The following PCED1B variants were observed in gnomAD, a reference collection of about 807,000 sequenced individuals.
PCED1B encodes PC-esterase domain containing 1B.
For missense variants in PCED1B, 573 were observed against 573.9 expected (o/e 1.00, Z 0.02); for synonymous variants, 251 against 246.1 (o/e 1.02, Z -0.19).
intron 3 of PCED1B, among the ~76,000 whole-genome samples, chr12:47,225,304 T>G (rs1368530016): frequency 6.6e-6 from 1 of 152,202 alleles, no homozygotes; most frequent in Non-Finnish European, 1.5e-5. Flanking sequence ...TTTTTTTATT[T>G]GATCCTAAAG....
chr12:47,218,085 G>A (rs995098515), intron 3 of PCED1B, among the ~76,000 whole-genome samples: 1 of 152,212 alleles, frequency 6.6e-6, no homozygotes, highest in African/African-American at 2.4e-5. Flanking sequence ...CATCTGTAGA[G>A]TTTACACAGC....
chr12:47,089,144 T>G (rs538441044), intron 1 of PCED1B, among the ~76,000 whole-genome samples: 5 of 151,960 alleles, frequency 3.3e-5, no homozygotes, highest in African/African-American at 1.2e-4. Context: ...GAGAGGGACT[T>G]AAAATATAAA....
At chr12:47,186,422 T>A (rs771333390) in intron 2 of PCED1B, among the ~76,000 whole-genome samples, 7 of 152,108 alleles carry the variant, frequency 4.6e-5, no homozygotes, top group Non-Finnish European at 8.8e-5. Flanking sequence ...GGATGACATC[T>A]TGTCTCCAGT....
At chr12:47,081,554 C>T (rs1237290522) in intron 1 of PCED1B, among the ~76,000 whole-genome samples, 1 of 152,096 alleles carries the variant, frequency 6.6e-6, no homozygotes, top group African/African-American at 2.4e-5. Flanking sequence ...TAAAATGCTT[C>T]ATGCAAGCAT....
chr12:47,167,249 A>G (rs1941573146), intron 2 of PCED1B, among the ~76,000 whole-genome samples: 1 of 152,084 alleles, frequency 6.6e-6, no homozygotes, highest in Admixed American at 6.6e-5. Flanking sequence ...AAAATATTCA[A>G]CGTAACAAAA....
intron 2 of PCED1B, among the ~76,000 whole-genome samples, chr12:47,177,385 G>A (rs1941956394): frequency 6.6e-6 from 1 of 152,114 alleles, no homozygotes; most frequent in Admixed American, 6.5e-5. Flanking sequence ...GAGCATTTTG[G>A]CTGACTGACT....
At chr12:47,222,161 T>C (rs1943500850) in intron 3 of PCED1B, among the ~76,000 whole-genome samples, 1 of 146,704 alleles carries the variant, frequency 6.8e-6, no homozygotes, top group Non-Finnish European at 1.5e-5. Context: ...GGCTCACGCC[T>C]GTAATCCCAG....
Position 47,188,317 on chromosome 12 carries a change from G to A in PCED1B, c.-525-27905G>A, listed in dbSNP as rs1217969091. 2.6e-5 allele frequency among the ~76,000 whole-genome samples: 4 copies of A among 152,104 alleles called. No homozygotes were observed. The East Asian group carries it at 7.7e-4, about 29-fold the overall frequency. On this transcript the variant is annotated intron_variant, in intron 2 of 3. Transcript: ENST00000546455. ...AAATTCCTCAGCTGGAACTCATAGG[G>A]ATCAATGATGTCCCACACAAAAGCC...
intron 2 of PCED1B, among the ~76,000 whole-genome samples, chr12:47,160,781 C>T (rs972197415): frequency 2.0e-5 from 3 of 152,100 alleles, no homozygotes; most frequent in African/African-American, 7.2e-5. Context: ...CCTTAATTCC[C>T]TTTGTGGCAA....
intron 3 of PCED1B, among the ~76,000 whole-genome samples, chr12:47,226,518 C>T (rs1013599110): frequency 3.3e-5 from 5 of 152,162 alleles, no homozygotes; most frequent in South Asian, 2.1e-4. Context: ...GGATTACAGG[C>T]GCATGCCACC....
rs1940512113 is a variant in PCED1B, at chr12:47,139,566, TGGAAATAAGGTCAGGAAGGCAG to T, written c.-526+35372_-526+35393del. ...GTACAGTGAAAAGGGGAGAGAGAGT[TGGAAATAAGGTCAGGAAGGCAG>T]CCAGTGGCCAGATCATGTGGGATGT... On this transcript the variant is annotated intron_variant, in intron 2 of 3. Coordinates refer to ENST00000546455, the MANE Select transcript of PCED1B (RefSeq NM_138371.3). 1.3e-5 allele frequency among the ~76,000 whole-genome samples: 2 copies of T among 151,700 alleles called. 1 individual carries two copies. The highest frequency in any genetic ancestry group is 4.2e-4 in the South Asian group (2 of 4,802).
At chr12:47,135,783 G>A (rs951558198) in intron 2 of PCED1B, 2 of 519,948 alleles carry the variant, frequency 3.8e-6, no homozygotes, top group African/African-American at 3.9e-5. Context: ...GAACGCTGGA[G>A]GCACAGGGTT....
chr12:47,236,103 C>T lies in PCED1B; in HGVS notation c.1040C>T (p.Thr347Ile). Reference sequence around the variant, plus strand: ...GATGCCTGTTTTTCCTCAGACCATACTTTCCAGTCGGATCAATTCTATTGC... The same window carrying T: ...GATGCCTGTTTTTCCTCAGACCATATTTTCCAGTCGGATCAATTCTATTGC... ...PPDACFSSDHTFQSDQFYCHS... is the reference protein window; with the variant it reads ...PPDACFSSDHIFQSDQFYCHS... Residue 347 changes from threonine (T) to isoleucine (I), a missense_variant, in exon 4 of 4, where the codon ACT becomes ATT. Thr to Ile is a moderately conservative substitution (Grantham distance 89). Coordinates refer to ENST00000546455, the MANE Select transcript of PCED1B (RefSeq NM_138371.3). 6.2e-7 allele frequency: 1 copy of T among 1,614,162 alleles called. No individual in the cohort carries two copies. Among genetic ancestry groups the T allele is most frequent in the Non-Finnish European group, 8.5e-7 (1 of 1,180,042 alleles).
intron 2 of PCED1B, among the ~76,000 whole-genome samples, chr12:47,167,447 A>G (rs1191083094): frequency 6.6e-6 from 1 of 152,098 alleles, no homozygotes; most frequent in Non-Finnish European, 1.5e-5. Context: ...CTCAAAGCCA[A>G]CTGTGTCACC....
intron 1 of PCED1B, among the ~76,000 whole-genome samples, chr12:47,081,559 A>G (rs1378429860): frequency 6.6e-6 from 1 of 152,020 alleles, no homozygotes; most frequent in Non-Finnish European, 1.5e-5. Flanking sequence ...TGCTTCATGC[A>G]AGCATTTCTT....
chr12:47,199,054 A>G (rs1018020638), intron 2 of PCED1B, among the ~76,000 whole-genome samples: 4 of 152,218 alleles, frequency 2.6e-5, no homozygotes, highest in Non-Finnish European at 5.9e-5. Flanking sequence ...TATTATAGTA[A>G]GTAATTATAG....
At chr12:47,203,482 G>C (rs1942828747) in intron 2 of PCED1B, among the ~76,000 whole-genome samples, 1 of 151,900 alleles carries the variant, frequency 6.6e-6, no homozygotes, top group African/African-American at 2.4e-5. Flanking sequence ...CCTCCGACAG[G>C]CCCTAGTGTG....
At chr12:47,194,368 T>C (rs1338059205) in intron 2 of PCED1B, among the ~76,000 whole-genome samples, 1 of 152,118 alleles carries the variant, frequency 6.6e-6, no homozygotes, top group Non-Finnish European at 1.5e-5. Context: ...AGAGATGGGC[T>C]TTCACCATGT....
chr12:47,099,065 C>T (rs1402959172), intron 1 of PCED1B, among the ~76,000 whole-genome samples: 1 of 152,186 alleles, frequency 6.6e-6, no homozygotes, highest in African/African-American at 2.4e-5. Context: ...TTCCCCGTCC[C>T]CTTCTCCCCT....
Sources: allele counts gnomAD v4.1 joint callset (sites outside exome capture counted in the v4.1 genomes callset), GRCh38; gene constraint gnomAD v4.1.1; transcripts MANE v1.5; gene names NCBI Gene and HGNC (gene_info 2026-07-23, HGNC 2026-07-21).